The following CTNNA3 variants were observed in gnomAD, a reference collection of about 807,000 sequenced individuals.
CTNNA3 encodes the protein catenin alpha 3, also known as catenin alpha-3.
CTNNA3 carries 76 observed loss-of-function variants against 95.7 expected under a neutral mutation model. The ratio of observed to expected loss-of-function variants is 0.79; its 90% CI spans 0.66 to 0.96. CTNNA3 has a LOEUF of 0.96. CTNNA3 is among the 40% of genes least tolerant of loss of function. The pLI, the probability that CTNNA3 is intolerant of heterozygous loss-of-function variation, is 0.00. For synonymous variants in CTNNA3, 431 were observed against 374.4 expected, an observed-to-expected ratio of 1.15 and a Z score of -1.74; for missense variants, 1,191 against 1,089.8, an observed-to-expected ratio of 1.09 and a Z score of -1.31.
chr10:66,077,193 T>C (rs1177065385), intron 14 of CTNNA3, among the ~76,000 whole-genome samples: 1 of 151,792 alleles, frequency 6.6e-6, no homozygotes, highest in African/African-American at 2.4e-5. Context: ...TACTTTGATG[T>C]AGTTTAAGAA....
rs1014998717 is a variant in CTNNA3, at chr10:66,928,103, C to T, written c.1048-152579G>A. ...AAGCATGAGAGCAAACCCCCTTTGC[C>T]CCCGACGGTGGGAGCCACAGAGCCC... On this transcript the variant is annotated intron_variant, in intron 7 of 17. Coordinates refer to ENST00000433211, the MANE Select transcript of CTNNA3 (RefSeq NM_013266.4). 3.7e-6 allele frequency: 6 copies of T among 1,614,072 alleles called. No individual in the cohort carries two copies. The South Asian group carries it at 5.5e-5, about 15-fold the overall frequency.
intron 14 of CTNNA3, 129 bp from the exon 15 acceptor site, chr10:66,069,618 A>C: frequency 1.6e-6 from 1 of 618,812 alleles, no homozygotes. Flanking sequence ...AGTTAAATTC[A>C]TTCAATTAAA....
chr10:67,308,363 T>C (rs1028850125), intron 5 of CTNNA3, among the ~76,000 whole-genome samples: 1 of 152,206 alleles, frequency 6.6e-6, no homozygotes, highest in African/African-American at 2.4e-5. Flanking sequence ...TAATGAGATC[T>C]GATAGTTTCA....
At position 65,919,015 on chromosome 10, in the gene CTNNA3, G is replaced by A; in HGVS notation, c.*1315C>T. On this transcript the variant is annotated 3_prime_UTR_variant, in exon 18 of 18. Coordinates refer to ENST00000433211, the MANE Select transcript of CTNNA3 (RefSeq NM_013266.4). Reference sequence around the variant, plus strand: ...AAAAGGTACAATATAATACTATTATGATAATGTAGAATAGAAAATGTTTTT... The same window carrying A: ...AAAAGGTACAATATAATACTATTATAATAATGTAGAATAGAAAATGTTTTT... 1 of 152,230 alleles carries A rather than the reference G, an allele frequency of 6.6e-6. No homozygotes were observed. The highest frequency in any genetic ancestry group is 1.5e-5 in the Non-Finnish European group (1 of 67,986). The allele number at this position is 152,230 out of a possible 1,614,324, so 9.4% of individuals were successfully genotyped here.
At chr10:66,406,759 A>T (rs904793707) in intron 11 of CTNNA3, among the ~76,000 whole-genome samples, 14 of 152,148 alleles carry the variant, frequency 9.2e-5, no homozygotes, top group Admixed American at 2.6e-4. Flanking sequence ...TCAACTCAAG[A>T]GCTCTTGCTC....
intron 5 of CTNNA3, among the ~76,000 whole-genome samples, chr10:67,343,087 G>C (rs548995087): frequency 6.6e-6 from 1 of 152,070 alleles, no homozygotes; most frequent in African/African-American, 2.4e-5. Flanking sequence ...TGAGTAGCTG[G>C]GATTACAGGT....
At chr10:67,118,333 T>C (rs1486908320) in intron 7 of CTNNA3, among the ~76,000 whole-genome samples, 1 of 151,974 alleles carries the variant, frequency 6.6e-6, no homozygotes, top group Non-Finnish European at 1.5e-5. Flanking sequence ...TTTTCCATTA[T>C]CATCCATTCC....
intron 12 of CTNNA3, among the ~76,000 whole-genome samples, chr10:66,286,269 A>G (rs142907083): frequency 1.4e-4 from 21 of 152,032 alleles, no homozygotes; most frequent in African/African-American, 3.1e-4. Flanking sequence ...GGCACATACC[A>G]TCTTTTACTT....
intron 5 of CTNNA3, among the ~76,000 whole-genome samples, chr10:67,440,476 C>T (rs1327364374): frequency 6.6e-6 from 1 of 152,004 alleles, no homozygotes; most frequent in African/African-American, 2.4e-5. Flanking sequence ...ATTGTAGAAC[C>T]CTAGAATGAG....
intron 1 of CTNNA3, among the ~76,000 whole-genome samples, chr10:67,689,476 A>C (rs1317397198): frequency 2.0e-5 from 3 of 152,146 alleles, no homozygotes; most frequent in Non-Finnish European, 4.4e-5. Context: ...AGAGACAGGG[A>C]GTGCTTTTTA....
chr10:66,395,016 T>C (rs1402561192), intron 11 of CTNNA3, among the ~76,000 whole-genome samples: 1 of 152,024 alleles, frequency 6.6e-6, no homozygotes, highest in Non-Finnish European at 1.5e-5. Flanking sequence ...TTTTTATTTA[T>C]TTTTTCCCCT....
intron 9 of CTNNA3, among the ~76,000 whole-genome samples, chr10:66,735,335 T>A (rs184065789): frequency 5.3e-5 from 8 of 152,006 alleles, no homozygotes; most frequent in Non-Finnish European, 1.0e-4. Flanking sequence ...CTAAATACTT[T>A]GGGACCAAAT....
intron 7 of CTNNA3, among the ~76,000 whole-genome samples, chr10:67,100,871 C>T (rs1023480168): frequency 6.6e-6 from 1 of 151,690 alleles, no homozygotes; most frequent in African/African-American, 2.4e-5. Flanking sequence ...TCAAAATTTA[C>T]AGGCTGTTAG....
intron 7 of CTNNA3, among the ~76,000 whole-genome samples, chr10:66,895,182 G>A (rs1845431833): frequency 6.6e-6 from 1 of 151,860 alleles, no homozygotes; most frequent in Non-Finnish European, 1.5e-5. Flanking sequence ...TCCTTTCGGA[G>A]TGACCTCTGG....
chr10:67,500,414 C>T (rs565097954), intron 5 of CTNNA3, among the ~76,000 whole-genome samples: 1 of 152,166 alleles, frequency 6.6e-6, no homozygotes, highest in African/African-American at 2.4e-5. Context: ...CTGTTGATTT[C>T]GGGTGGAGAG....
chr10:66,173,800 A>G (rs190973234), intron 13 of CTNNA3, among the ~76,000 whole-genome samples: 13 of 152,298 alleles, frequency 8.5e-5, no homozygotes, highest in Non-Finnish European at 1.5e-4. Flanking sequence ...AAATAACCAT[A>G]TTTATATTCA....
intron 12 of CTNNA3, among the ~76,000 whole-genome samples, chr10:66,338,090 T>C (rs2092414938): frequency 6.6e-6 from 1 of 152,078 alleles, no homozygotes; most frequent in South Asian, 2.1e-4. Context: ...AAATGTGGTA[T>C]ATCTGCACAA....
At chr10:66,189,668 ATATT>A (rs2086562238) in intron 13 of CTNNA3, among the ~76,000 whole-genome samples, 1 of 150,000 alleles carries the variant, frequency 6.7e-6, no homozygotes, top group Non-Finnish European at 1.5e-5. Flanking sequence ...ACATATATAT[ATATT>A]GTTTCTTCAT....
chr10:66,460,020 C>T (rs2093518433), intron 11 of CTNNA3, among the ~76,000 whole-genome samples: 1 of 151,950 alleles, frequency 6.6e-6, no homozygotes, highest in South Asian at 2.1e-4. Flanking sequence ...AAATAGACAG[C>T]CAATTGCCAA....
Sources: gnomAD v4.1 joint callset for allele counts (sites outside exome capture counted in the v4.1 genomes callset) on GRCh38, gnomAD v4.1.1 for gene constraint, MANE v1.5 for transcripts, NCBI Gene and HGNC (gene_info 2026-07-23, HGNC 2026-07-21) for gene names.